The following ADAMTSL1 variants were observed in gnomAD, a reference collection of about 807,000 sequenced individuals.
The protein encoded by ADAMTSL1 is ADAMTS like 1.
In ADAMTSL1, 126 loss-of-function variants were observed where a neutral mutation model predicts 201.8. The observed-to-expected ratio is 0.62, with a 90% CI of 0.54 to 0.72. ADAMTSL1 has a LOEUF of 0.72. ADAMTSL1 is among the 30% of genes least tolerant of loss of function. ADAMTSL1 has a pLI of 0.00. For synonymous variants in ADAMTSL1, 1,121 were observed against 903.4 expected (o/e 1.24, Z -4.32); for missense variants, 2,679 against 2,277.8 (o/e 1.18, Z -3.59).
At chr9:18,206,735 A>G (rs928027550) in intron 2 of ADAMTSL1, among the ~76,000 whole-genome samples, 4 of 152,212 alleles carry the variant, frequency 2.6e-5, no homozygotes, top group Non-Finnish European at 5.9e-5. Flanking sequence ...AACAGAAGTC[A>G]TAATTACTTA....
chr9:18,111,689 T>C (rs1825019494), intron 1 of ADAMTSL1, among the ~76,000 whole-genome samples: 2 of 152,204 alleles, frequency 1.3e-5, no homozygotes, highest in African/African-American at 4.8e-5. Context: ...GACAGTTTTG[T>C]ACATTCAGGT....
At chr9:18,893,345 T>A (rs1381144546) in intron 26 of ADAMTSL1, among the ~76,000 whole-genome samples, 1 of 152,126 alleles carries the variant, frequency 6.6e-6, no homozygotes, top group Non-Finnish European at 1.5e-5. Context: ...TCAAGGTCAC[T>A]CAAGGAGGGA....
intron 16 of ADAMTSL1, 21 bp downstream of exon 16, chr9:18,753,529 A>G (rs752343427): frequency 5.9e-5 from 94 of 1,598,558 alleles, no homozygotes; most frequent in South Asian, 1.9e-4. Context: ...AAGTTACTCA[A>G]TATTGGAGCT....
At chr9:18,717,095 G>A (rs1832994921) in intron 14 of ADAMTSL1, among the ~76,000 whole-genome samples, 1 of 147,248 alleles carries the variant, frequency 6.8e-6, no homozygotes, top group South Asian at 2.2e-4. Flanking sequence ...TGGGGTGGGG[G>A]GACGGGGGAG....
Position 18,675,855 on chromosome 9 carries a change from A to G in ADAMTSL1, c.1086-2A>G. 2 of 1,613,086 alleles carry G rather than the reference A, an allele frequency of 1.2e-6. No individual in the cohort carries two copies. Among genetic ancestry groups the G allele is most frequent in the Non-Finnish European group, 1.7e-6 (2 of 1,179,190 alleles). On this transcript the variant is annotated splice_acceptor_variant, in intron 9 of 28. Coordinates refer to ENST00000380548, the MANE Select transcript of ADAMTSL1 (RefSeq NM_001040272.6). LOFTEE classifies it high-confidence loss of function. ...GAGGGTTGGCATTATTGTTCCTAAC[A>G]GTGACGGATACAAGCAGATCATGCC... is the stretch of plus-strand genomic sequence containing the variant.
chr9:18,865,425 T>C (rs1827468567), intron 23 of ADAMTSL1, among the ~76,000 whole-genome samples: 1 of 152,232 alleles, frequency 6.6e-6, no homozygotes, highest in African/African-American at 2.4e-5. Context: ...CACATTTTCT[T>C]AATCCAGTCT....
Position 18,264,419 on chromosome 9 carries a change from T to C in ADAMTSL1, c.207+100438T>C, listed in dbSNP as rs540971816. On this transcript the variant is annotated intron_variant, in intron 2 of 29. Coordinates refer to the ADAMTSL1 transcript ENST00000680146. ...GACTCCTGCCCGGTGTCTAAGCAAC[T>C]TGATACCACGTAGGAGAGCTCTCCT... Among the ~76,000 whole-genome samples the C allele has an allele frequency of 4.6e-5, 7 of 152,244 alleles. No individual in the cohort carries two copies. The East Asian group carries it at 1.2e-3, about 25-fold the overall frequency.
At chr9:18,068,293 A>T (rs1822799979) in intron 1 of ADAMTSL1, among the ~76,000 whole-genome samples, 1 of 152,180 alleles carries the variant, frequency 6.6e-6, no homozygotes, top group South Asian at 2.1e-4. Flanking sequence ...TAAAGTCAAA[A>T]AGAAAAACAA....
chr9:18,388,755 AT>A lies in ADAMTSL1; in HGVS notation c.208-116065del, dbSNP rs935396980. On this transcript the variant is annotated intron_variant, in intron 2 of 29. Coordinates refer to the ADAMTSL1 transcript ENST00000680146. Reference sequence around the variant, plus strand: ...TGTTGTTGTTGTTTAATAGCACTGAATTTTTTTTTCTTTTTTTTTGAGATGG... The same window carrying A: ...TGTTGTTGTTGTTTAATAGCACTGAATTTTTTTTCTTTTTTTTTGAGATGG... Among the ~76,000 whole-genome samples the A allele has an allele frequency of 8.3e-5, 12 of 145,166 alleles. No individual in the cohort carries two copies. The South Asian group carries it at 1.1e-3, about 13-fold the overall frequency.
At chr9:18,543,267 C>T (rs1054092247) in intron 3 of ADAMTSL1, among the ~76,000 whole-genome samples, 4 of 152,020 alleles carry the variant, frequency 2.6e-5, no homozygotes, top group African/African-American at 9.7e-5. Flanking sequence ...TTGAGAAGAA[C>T]TGCTGTTGCT....
At chr9:18,671,340 T>C (rs1171285401) in intron 9 of ADAMTSL1, among the ~76,000 whole-genome samples, 1 of 152,178 alleles carries the variant, frequency 6.6e-6, no homozygotes, top group East Asian at 1.9e-4. Context: ...ATGTGAGTCT[T>C]CTAAATGGTG....
At chr9:18,270,306 A>C (rs35046976) in intron 2 of ADAMTSL1, among the ~76,000 whole-genome samples, 6,933 of 151,692 alleles carry the variant, frequency 0.046, 245 homozygotes, top group Non-Finnish European at 0.074. Flanking sequence ...TGATTTAATC[A>C]CTCCCCAATA....
intron 2 of ADAMTSL1, among the ~76,000 whole-genome samples, chr9:18,174,233 G>T (rs1828036884): frequency 6.6e-6 from 1 of 152,108 alleles, no homozygotes; most frequent in South Asian, 2.1e-4. Flanking sequence ...TCCCTTAGTT[G>T]TTTGTAAGGT....
intron 2 of ADAMTSL1, among the ~76,000 whole-genome samples, chr9:18,200,449 T>G (rs1335217499): frequency 6.6e-6 from 1 of 152,120 alleles, no homozygotes; most frequent in Admixed American, 6.6e-5. Flanking sequence ...TGATTACACA[T>G]GGTGTTTAAA....
chr9:18,502,413 A>T (rs1229826282), intron 1 of ADAMTSL1, among the ~76,000 whole-genome samples: 1 of 152,366 alleles, frequency 6.6e-6, no homozygotes, highest in Non-Finnish European at 1.5e-5. Flanking sequence ...TTCTATTCAC[A>T]TGCGGCAAAC....
At chr9:18,749,841 T>C (rs1032127259) in intron 15 of ADAMTSL1, among the ~76,000 whole-genome samples, 1 of 152,252 alleles carries the variant, frequency 6.6e-6, no homozygotes, top group Non-Finnish European at 1.5e-5. Flanking sequence ...AGTGCACTTT[T>C]ATCAGGGCAG....
chr9:18,182,588 G>T (rs1384781379), intron 2 of ADAMTSL1, among the ~76,000 whole-genome samples: 2 of 152,214 alleles, frequency 1.3e-5, no homozygotes, highest in Non-Finnish European at 2.9e-5. Flanking sequence ...GTAAGGCAAA[G>T]TGAGAGATAA....
intron 16 of ADAMTSL1, 135 bp from the exon 17 acceptor site, chr9:18,770,467 C>A: frequency 1.1e-6 from 1 of 898,500 alleles, no homozygotes; most frequent in Non-Finnish European, 1.6e-6. Flanking sequence ...ATCCTTTGGG[C>A]CGATTCCTGG....
At chr9:18,857,804 A>T (rs896849356) in intron 23 of ADAMTSL1, among the ~76,000 whole-genome samples, 12 of 152,084 alleles carry the variant, frequency 7.9e-5, no homozygotes, top group Non-Finnish European at 1.5e-4. Flanking sequence ...ATGCTATCCT[A>T]ACTTCTTTTA....
Sources: gnomAD v4.1 joint callset for allele counts (sites outside exome capture counted in the v4.1 genomes callset) on GRCh38, gnomAD v4.1.1 for gene constraint, MANE v1.5 for transcripts, NCBI Gene and HGNC (gene_info 2026-07-23, HGNC 2026-07-21) for gene names.